SGCD: variants seen among roughly 807,000 people sequenced by gnomAD.
SGCD encodes sarcoglycan delta.
In SGCD, 18 loss-of-function variants were observed where a neutral mutation model predicts 36.6. The observed-to-expected ratio is 0.49, with a 90% CI of 0.34 to 0.73. The LOEUF is 0.73. SGCD is among the 30% of genes least tolerant of loss of function. SGCD has a pLI of 0.01. For missense variants in SGCD, 387 were observed against 346.7 expected, an observed-to-expected ratio of 1.12 and a Z score of -0.92; for synonymous variants, 133 against 130.6, an observed-to-expected ratio of 1.02 and a Z score of -0.12.
At chr5:156,192,853 G>GT (rs1195985427) in intron 3 of SGCD, among the ~76,000 whole-genome samples, 1 of 90,490 alleles carries the variant, frequency 1.1e-5, no homozygotes, top group African/African-American at 5.0e-5. Context: ...ATGAACTTCT[G>GT]TAAGAAGCCA....
intron 1 of SGCD, among the ~76,000 whole-genome samples, chr5:155,945,936 A>G (rs191527474): frequency 6.6e-6 from 1 of 152,308 alleles, no homozygotes; most frequent in East Asian, 1.9e-4. Flanking sequence ...GTGGGACAGT[A>G]CAGTTCAGAT....
the SGCD span, among the ~76,000 whole-genome samples, chr5:155,760,159 C>T: frequency 2.0e-5 from 3 of 150,834 alleles, no homozygotes; most frequent in Non-Finnish European, 1.5e-5. Context: ...ATCATCCTCA[C>T]CATCATCCTC....
chr5:156,648,785 A>G (rs925048831), intron 7 of SGCD, among the ~76,000 whole-genome samples: 2 of 152,184 alleles, frequency 1.3e-5, no homozygotes. Context: ...TACTGAAGCT[A>G]GAATCTTTTA....
At chr5:156,362,040 C>G (rs867732407) in intron 3 of SGCD, among the ~76,000 whole-genome samples, 3 of 152,086 alleles carry the variant, frequency 2.0e-5, no homozygotes, top group Admixed American at 1.3e-4. Flanking sequence ...GTTCAAAAGC[C>G]CTGATTGAGA....
the SGCD span, among the ~76,000 whole-genome samples, chr5:155,827,685 T>A: frequency 7.2e-6 from 1 of 138,786 alleles, no homozygotes; most frequent in African/African-American, 2.7e-5. Flanking sequence ...TTTTTTTTTT[T>A]TTTTTTTTTT....
At chr5:156,608,628 A>T (rs1403408762) in intron 6 of SGCD, among the ~76,000 whole-genome samples, 1 of 152,064 alleles carries the variant, frequency 6.6e-6, no homozygotes, top group Non-Finnish European at 1.5e-5. Flanking sequence ...TGATCTGTCT[A>T]ATGTTGACAG....
chr5:155,813,820 T>G, the SGCD span, among the ~76,000 whole-genome samples: 2 of 152,322 alleles, frequency 1.3e-5, no homozygotes, highest in East Asian at 3.9e-4. Flanking sequence ...CATAAAAGGA[T>G]AGATAGTAAA....
At chr5:156,502,662 T>C (rs1311743068) in intron 3 of SGCD, among the ~76,000 whole-genome samples, 2 of 152,160 alleles carry the variant, frequency 1.3e-5, no homozygotes, top group African/African-American at 4.8e-5. Flanking sequence ...AATACCTCTT[T>C]TACATCTTAT....
chr5:156,618,114 G>A (rs995982300), intron 6 of SGCD, among the ~76,000 whole-genome samples: 8 of 152,202 alleles, frequency 5.3e-5, no homozygotes, highest in Non-Finnish European at 1.0e-4. Context: ...GAGAATGGCT[G>A]AAGGATTATA....
chr5:156,314,170 A>G (rs1308021635), intron 3 of SGCD, among the ~76,000 whole-genome samples: 1 of 152,052 alleles, frequency 6.6e-6, no homozygotes, highest in Non-Finnish European at 1.5e-5. Context: ...CCAAATCTAT[A>G]GGAGGGTCAC....
At position 156,176,270 on chromosome 5, in the gene SGCD, A is replaced by G. The variant is rs530874752; in HGVS notation, c.-44+52251A>G. 2.0e-5 allele frequency among the ~76,000 whole-genome samples: 3 copies of G among 152,218 alleles called. No individual in the cohort carries two copies. The East Asian group carries it at 5.8e-4, about 29-fold the overall frequency. On this transcript the variant is annotated intron_variant, in intron 3 of 9. Transcript: ENST00000517913. ...AGCCAGACAAAACTGTCTAGTTTTT[A>G]TATTTTAATATGCCAGAGTCAATTC... is the stretch of plus-strand genomic sequence containing the variant.
intron 3 of SGCD, among the ~76,000 whole-genome samples, chr5:156,180,432 A>T (rs1276800310): frequency 6.6e-6 from 1 of 152,254 alleles, no homozygotes; most frequent in East Asian, 1.9e-4. Flanking sequence ...CAGTATTCAC[A>T]GCATGATTGT....
intron 3 of SGCD, among the ~76,000 whole-genome samples, chr5:156,368,550 A>AT (rs1044788957): frequency 3.9e-5 from 6 of 152,074 alleles, no homozygotes; most frequent in Non-Finnish European, 7.4e-5. Flanking sequence ...CTGTAGCTTC[A>AT]TTTTTTTAAA....
intron 4 of SGCD, among the ~76,000 whole-genome samples, chr5:156,548,988 A>G (rs1028733166): frequency 6.6e-6 from 1 of 152,090 alleles, no homozygotes; most frequent in African/African-American, 2.4e-5. Flanking sequence ...CTGTCAACCT[A>G]GAATACTTGC....
At chr5:156,202,769 T>G (rs1764181109) in intron 3 of SGCD, among the ~76,000 whole-genome samples, 1 of 151,188 alleles carries the variant, frequency 6.6e-6, no homozygotes, top group African/African-American at 2.4e-5. Context: ...TTTTTTTTTT[T>G]TTTCAATTAA....
At chr5:155,966,969 ATGTGTATG>A (rs1757914699) in intron 1 of SGCD, among the ~76,000 whole-genome samples, 2 of 147,526 alleles carry the variant, frequency 1.4e-5, no homozygotes, top group Admixed American at 1.3e-4. Flanking sequence ...ATGTGTGTGT[ATGTGTATG>A]TGTGTATATG....
intron 3 of SGCD, among the ~76,000 whole-genome samples, chr5:156,355,829 G>T (rs966369991): frequency 6.6e-6 from 1 of 152,156 alleles, no homozygotes; most frequent in Non-Finnish European, 1.5e-5. Context: ...TAGGGATGGG[G>T]TTTCGCCATG....
chr5:155,766,009 T>A, the SGCD span, among the ~76,000 whole-genome samples: 1 of 151,882 alleles, frequency 6.6e-6, no homozygotes, highest in Non-Finnish European at 1.5e-5. Flanking sequence ...TGGCCTTGGG[T>A]CATTTTAAAG....
At chr5:156,648,663 A>G (rs1487693236) in intron 7 of SGCD, among the ~76,000 whole-genome samples, 1 of 152,126 alleles carries the variant, frequency 6.6e-6, no homozygotes, top group Non-Finnish European at 1.5e-5. Flanking sequence ...TTAAGATTAC[A>G]CATCACACCA....
Sources: gnomAD v4.1 joint callset for allele counts (sites outside exome capture counted in the v4.1 genomes callset) on GRCh38, gnomAD v4.1.1 for gene constraint, MANE v1.5 for transcripts, NCBI Gene and HGNC (gene_info 2026-07-23, HGNC 2026-07-21) for gene names.